FTO: variants seen among roughly 807,000 people sequenced by gnomAD.
FTO encodes alpha-ketoglutarate-dependent dioxygenase FTO.
Under a neutral mutation model 63.9 loss-of-function variants are expected in FTO, and 47 were observed. The ratio of observed to expected loss-of-function variants is 0.74; its 90% CI spans 0.58 to 0.94. The LOEUF (loss-of-function observed/expected upper bound fraction) is 0.94, where lower values mean the gene tolerates loss of function less well. FTO is among the 40% of genes least tolerant of loss of function. The pLI is 0.00. For missense variants in FTO, 562 were observed against 618.1 expected (o/e 0.91, Z 0.96); for synonymous variants, 207 against 224.4 (o/e 0.92, Z 0.69).
chr16:53,974,674 G>T (rs2083396852), intron 8 of FTO, among the ~76,000 whole-genome samples: 1 of 151,276 alleles, frequency 6.6e-6, no homozygotes, highest in South Asian at 2.1e-4. Context: ...CTGCCTAGGA[G>T]TCGTAATGCT....
intron 8 of FTO, among the ~76,000 whole-genome samples, chr16:54,004,573 A>G (rs1375369500): frequency 6.6e-6 from 1 of 152,184 alleles, no homozygotes; most frequent in Admixed American, 6.5e-5. Flanking sequence ...ATAGCTGTCA[A>G]GTAATTATGA....
Position 54,005,010 on chromosome 16 carries a change from C to CAGTG in FTO, c.1364+70904_1364+70907dup, listed in dbSNP as rs769189416. ...GTGTGAACCTGGGAGGCAGAGCTCA[C>CAGTG]AGTGAGCCGAGATCGCGCCACGGCA... is the stretch of plus-strand genomic sequence containing the variant. On this transcript the variant is annotated intron_variant, in intron 8 of 8. Transcript: ENST00000471389. Among the ~76,000 whole-genome samples, 293 of 145,720 alleles carry CAGTG rather than the reference C, an allele frequency of 2.0e-3. 3 individuals are homozygous for CAGTG. Among genetic ancestry groups the CAGTG allele is most frequent in the Non-Finnish European group, 1.2e-3 (80 of 67,326 alleles).
intron 1 of FTO, among the ~76,000 whole-genome samples, chr16:53,730,102 C>T (rs2076239032): frequency 6.6e-6 from 1 of 152,110 alleles, no homozygotes; most frequent in Non-Finnish European, 1.5e-5. Context: ...TCAGATTGGA[C>T]AGTATACATT....
chr16:53,777,006 G>A (rs2077474870), intron 1 of FTO, among the ~76,000 whole-genome samples: 1 of 151,952 alleles, frequency 6.6e-6, no homozygotes, highest in Admixed American at 6.6e-5. Flanking sequence ...TACACATTGT[G>A]GCATGATTAA....
At chr16:54,030,166 G>A (rs529997345) in intron 8 of FTO, among the ~76,000 whole-genome samples, 2 of 152,162 alleles carry the variant, frequency 1.3e-5, no homozygotes, top group Non-Finnish European at 2.9e-5. Flanking sequence ...TACTAATAAC[G>A]TCTAGAATGA....
intron 8 of FTO, among the ~76,000 whole-genome samples, chr16:54,080,291 T>C (rs2086111153): frequency 1.3e-5 from 2 of 152,114 alleles, no homozygotes; most frequent in African/African-American, 2.4e-5. Context: ...ATCACAACAG[T>C]CACAGCTTGC....
chr16:53,762,802 T>G (rs1216856286), intron 1 of FTO, among the ~76,000 whole-genome samples: 1 of 152,228 alleles, frequency 6.6e-6, no homozygotes, highest in African/African-American at 2.4e-5. Flanking sequence ...GGAACCTTAC[T>G]AAGAGTCAAG....
chr16:53,779,447 A>G (rs2077535665), intron 1 of FTO, among the ~76,000 whole-genome samples: 1 of 152,310 alleles, frequency 6.6e-6, no homozygotes, highest in East Asian at 1.9e-4. Flanking sequence ...AGCTTGGCAC[A>G]CAGAAACTGT....
intron 8 of FTO, among the ~76,000 whole-genome samples, chr16:53,966,309 T>C (rs1200133439): frequency 8.5e-5 from 13 of 152,342 alleles, no homozygotes; most frequent in African/African-American, 2.9e-4. Flanking sequence ...AGTAAATCCA[T>C]AGTGCTATTA....
At chr16:53,778,917 G>A (rs1436548024) in intron 1 of FTO, among the ~76,000 whole-genome samples, 1 of 149,922 alleles carries the variant, frequency 6.7e-6, no homozygotes, top group East Asian at 1.9e-4. Flanking sequence ...GACAAGTGCC[G>A]CAGAGATCAG....
intron 7 of FTO, among the ~76,000 whole-genome samples, chr16:53,903,055 A>G (rs1054657344): frequency 1.3e-5 from 2 of 152,078 alleles, no homozygotes; most frequent in African/African-American, 4.8e-5. Flanking sequence ...GGTTACAGTG[A>G]GCTGTGGTAG....
At chr16:53,816,520 C>T (rs2078694840) in intron 2 of FTO, among the ~76,000 whole-genome samples, 1 of 149,874 alleles carries the variant, frequency 6.7e-6, no homozygotes, top group South Asian at 2.2e-4. Context: ...CACTTTTCTT[C>T]CTATTCTGGC....
chr16:53,924,972 G>A (rs1353101949), intron 7 of FTO, among the ~76,000 whole-genome samples: 3 of 151,718 alleles, frequency 2.0e-5, no homozygotes, highest in Non-Finnish European at 2.9e-5. Flanking sequence ...ATCACTAAAT[G>A]AAGGAAGACC....
At chr16:53,780,896 G>C (rs1171763621) in intron 1 of FTO, among the ~76,000 whole-genome samples, 1 of 151,992 alleles carries the variant, frequency 6.6e-6, no homozygotes, top group Non-Finnish European at 1.5e-5. Context: ...CATCTTTTAT[G>C]GTTTCTGACA....
chr16:53,790,351 G>T lies in FTO; in HGVS notation c.46-19789G>T, dbSNP rs142378131. ...GTCTCTACAAATTCAACTATTTCAGGTAACACATATAAGTAGAATCATACA... is the reference window on the plus strand; with the variant it reads ...GTCTCTACAAATTCAACTATTTCAGTTAACACATATAAGTAGAATCATACA... On this transcript the variant is annotated intron_variant, in intron 1 of 8. Transcript: ENST00000471389. Among the ~76,000 whole-genome samples the T allele has an allele frequency of 8.0e-3, 1,213 of 151,916 alleles. 14 individuals carry two copies. Among genetic ancestry groups the T allele is most frequent in the Non-Finnish European group, 0.011 (743 of 67,976 alleles).
intron 8 of FTO, among the ~76,000 whole-genome samples, chr16:54,075,071 AT>A (rs1335495760): frequency 5.3e-5 from 8 of 151,904 alleles, no homozygotes; most frequent in Non-Finnish European, 1.2e-4. Flanking sequence ...GGCTATTTCT[AT>A]TTCTTCGTTT....
At chr16:53,951,799 A>G (rs947365602) in intron 8 of FTO, among the ~76,000 whole-genome samples, 5 of 151,888 alleles carry the variant, frequency 3.3e-5, no homozygotes, top group African/African-American at 1.2e-4. Flanking sequence ...TGAGGACAAG[A>G]CTCAAATCAA....
intron 8 of FTO, among the ~76,000 whole-genome samples, chr16:53,963,594 G>T (rs1396697183): frequency 2.0e-5 from 3 of 152,094 alleles, no homozygotes; most frequent in African/African-American, 7.2e-5. Context: ...TAAAAAGTGT[G>T]TACCACCTCT....
chr16:53,826,562 T>C (rs1287099180), intron 3 of FTO, 71 bp downstream of exon 3: 8 of 1,401,492 alleles, frequency 5.7e-6, no homozygotes, highest in Non-Finnish European at 7.1e-6. Context: ...GCTCTGGAGA[T>C]ACACACGCAT....
Sources: gnomAD v4.1 joint callset for allele counts (sites outside exome capture counted in the v4.1 genomes callset) on GRCh38, gnomAD v4.1.1 for gene constraint, MANE v1.5 for transcripts, NCBI Gene and HGNC (gene_info 2026-07-23, HGNC 2026-07-21) for gene names.